Variants in SPECC1 observed in about 807,000 individuals in gnomAD.
SPECC1 encodes the protein sperm antigen with calponin homology and coiled-coil domains 1.
SPECC1 carries 62 observed loss-of-function variants against 104.1 expected under a neutral mutation model. The ratio of observed to expected loss-of-function variants is 0.60; its 90% CI spans 0.49 to 0.74. SPECC1 has a LOEUF of 0.74. SPECC1 is among the 30% of genes least tolerant of loss of function. SPECC1 has a pLI of 0.00. For synonymous variants in SPECC1, 513 were observed against 501.6 expected (o/e 1.02, Z -0.30); for missense variants, 1,306 against 1,310.5 (o/e 1.00, Z 0.05).
intron 3 of SPECC1, among the ~76,000 whole-genome samples, chr17:20,119,567 C>T (rs1324734111): frequency 1.2e-4 from 19 of 152,240 alleles, no homozygotes; most frequent in Non-Finnish European, 2.9e-5. Context: ...TAGTCCTCAA[C>T]ATTTTTGTAG....
chr17:20,238,130 A>C (rs1598060704), intron 7 of SPECC1: 2 of 1,029,980 alleles, frequency 1.9e-6, no homozygotes, highest in East Asian at 1.2e-4. Flanking sequence ...CTTTGGGTTG[A>C]TTTCCAGAAT....
intron 5 of SPECC1, among the ~76,000 whole-genome samples, chr17:20,230,102 G>C (rs767547935): frequency 6.6e-6 from 1 of 152,098 alleles, no homozygotes; most frequent in Non-Finnish European, 1.5e-5. Context: ...GATGAGCCTG[G>C]CTTGTTTATA....
chr17:20,200,953 T>G (rs1046988222), intron 3 of SPECC1, among the ~76,000 whole-genome samples: 1 of 151,250 alleles, frequency 6.6e-6, no homozygotes, highest in African/African-American at 2.4e-5. Flanking sequence ...GTACATTTCA[T>G]AATACACATC....
intron 12 of SPECC1, among the ~76,000 whole-genome samples, chr17:20,280,762 A>G (rs1019763934): frequency 3.9e-5 from 6 of 152,238 alleles, no homozygotes; most frequent in Non-Finnish European, 5.9e-5. Context: ...GTATGGGGCA[A>G]TGCAAGGTAG....
At chr17:20,127,486 A>G (rs1349589175) in intron 3 of SPECC1, among the ~76,000 whole-genome samples, 1 of 121,092 alleles carries the variant, frequency 8.3e-6, no homozygotes, top group East Asian at 2.3e-4. Flanking sequence ...TCTTTTGCCC[A>G]GGCTGAAGTG....
chr17:20,023,651 G>A (rs528821258), intron 1 of SPECC1, among the ~76,000 whole-genome samples: 2 of 152,224 alleles, frequency 1.3e-5, no homozygotes, highest in South Asian at 2.1e-4. Flanking sequence ...AATTCCATGG[G>A]GTGAGAGTAT....
In SPECC1 at chr17:20,051,109, T is replaced by C. The variant is rs138026818; in HGVS notation, c.-22+41685T>C. On this transcript the variant is annotated intron_variant, in intron 1 of 14. Transcript: ENST00000395527. ...CTTTCTTTCTTTCTTTCTTTCTTTC[T>C]TTCTTTCTTTCTTTCTTTCTTTCTT... Among the ~76,000 whole-genome samples, 14 of 126,760 alleles carry C rather than the reference T, an allele frequency of 1.1e-4. No individual in the cohort carries two copies. The East Asian group carries it at 1.1e-3, about 10-fold the overall frequency. The allele number at this position is 126,760 out of a possible 152,430, so 83.2% of individuals were successfully genotyped here.
Position 20,317,055 on chromosome 17 carries a change from A to ATT in SPECC1, c.*3003_*3004dup. On this transcript the variant is annotated 3_prime_UTR_variant, in exon 15 of 15. Transcript: ENST00000395527. ...AACTCCAGGAGTTTCCCCGACTACC[A>ATT]TTTTTTTTTTTTTTATTTGCCAGTG... is the stretch of plus-strand genomic sequence containing the variant. 7 of 177,226 alleles carry ATT rather than the reference A, an allele frequency of 3.9e-5. No homozygotes were observed. Among genetic ancestry groups the ATT allele is most frequent in the Non-Finnish European group, 7.0e-5 (6 of 85,552 alleles). The allele number at this position is 177,226 out of a possible 1,614,324, so 11.0% of individuals were successfully genotyped here.
intron 3 of SPECC1, among the ~76,000 whole-genome samples, chr17:20,203,839 C>G (rs970835600): frequency 2.6e-5 from 4 of 152,188 alleles, no homozygotes; most frequent in Non-Finnish European, 5.9e-5. Flanking sequence ...AACTGAAAGG[C>G]CAGCTATAGG....
intron 12 of SPECC1, among the ~76,000 whole-genome samples, chr17:20,271,344 T>TC (rs1271394296): frequency 2.7e-5 from 4 of 150,860 alleles, no homozygotes; most frequent in African/African-American, 9.9e-5. Context: ...TCTTTTTCAC[T>TC]CCCACCCCCC....
chr17:20,073,301 A>C (rs1261661135), intron 1 of SPECC1, among the ~76,000 whole-genome samples: 1 of 152,026 alleles, frequency 6.6e-6, no homozygotes, highest in Non-Finnish European at 1.5e-5. Flanking sequence ...GAGCAGACTG[A>C]GTTTTTGTTT....
chr17:20,246,988 CT>C (rs1013362385), intron 8 of SPECC1, among the ~76,000 whole-genome samples: 5 of 152,178 alleles, frequency 3.3e-5, no homozygotes, highest in African/African-American at 1.2e-4. Flanking sequence ...TATACAGTTT[CT>C]TTTTGCTCAG....
chr17:20,074,274 T>G (rs2046671617), intron 1 of SPECC1, among the ~76,000 whole-genome samples: 1 of 152,176 alleles, frequency 6.6e-6, no homozygotes, highest in African/African-American at 2.4e-5. Context: ...ATCTGGGCAA[T>G]ACATACATTG....
chr17:20,103,372 A>G (rs971304483), intron 2 of SPECC1, among the ~76,000 whole-genome samples: 2 of 152,120 alleles, frequency 1.3e-5, no homozygotes, highest in African/African-American at 4.8e-5. Flanking sequence ...GTGTGGTTAT[A>G]TGGGAACCTC....
At chr17:20,227,295 T>C (rs2038277194) in intron 4 of SPECC1, 118 bp from the exon 5 acceptor site, 1 of 797,396 alleles carries the variant, frequency 1.3e-6, no homozygotes, top group Non-Finnish European at 2.0e-6. Context: ...AAGAGGTTCA[T>C]GTTCAGGTTT....
At chr17:20,111,143 T>G (rs2048470390) in intron 3 of SPECC1, among the ~76,000 whole-genome samples, 1 of 152,228 alleles carries the variant, frequency 6.6e-6, no homozygotes, top group African/African-American at 2.4e-5. Flanking sequence ...ATCAAAGAAT[T>G]TATTTAATTC....
At chr17:20,302,056 G>A (rs79934172) in intron 13 of SPECC1, among the ~76,000 whole-genome samples, 4,184 of 152,218 alleles carry the variant, frequency 0.027, 183 homozygotes, top group African/African-American at 0.094. Context: ...TCACTTGTCC[G>A]CCTTTGCAAC....
intron 14 of SPECC1, among the ~76,000 whole-genome samples, chr17:20,309,258 G>C (rs913096761): frequency 2.6e-5 from 4 of 152,296 alleles, no homozygotes; most frequent in Non-Finnish European, 2.9e-5. Context: ...ACTACACCCA[G>C]TCAGAAGTGA....
rs146219921 is a variant in SPECC1, at chr17:20,227,311, A to G, written c.1864-102A>G. On this transcript the variant is annotated intron_variant, in intron 4 of 14. Transcript: ENST00000395527. ...AGAGGTTCATGTTCAGGTTTGTTACATGGGTATATTGCATCATGGTGGGGC... is the reference window on the plus strand; with the variant it reads ...AGAGGTTCATGTTCAGGTTTGTTACGTGGGTATATTGCATCATGGTGGGGC... 400 of 924,264 alleles carry G rather than the reference A, an allele frequency of 4.3e-4. 1 individual carries two copies. The African/African-American group carries it at 5.9e-3, about 14-fold the overall frequency. 57.3% of individuals were successfully genotyped at this position (924,264 alleles called of 1,614,324 possible). A position where few individuals can be genotyped will look rare whatever the true frequency, so the allele number is the denominator to read the frequency against.
Sources: allele counts gnomAD v4.1 joint callset (sites outside exome capture counted in the v4.1 genomes callset), GRCh38; gene constraint gnomAD v4.1.1; transcripts MANE v1.5; gene names NCBI Gene and HGNC (gene_info 2026-07-23, HGNC 2026-07-21).